The following CTTN variants were observed in gnomAD, a reference collection of about 807,000 sequenced individuals.
CTTN encodes the protein cortactin.
CTTN carries 28 observed loss-of-function variants against 84.0 expected under a neutral mutation model. The observed-to-expected ratio is 0.33, with a 90% CI of 0.25 to 0.46. The LOEUF is 0.46. Ranked by LOEUF, CTTN falls within the 20% of genes least tolerant of loss-of-function variation. The pLI is 1.00. For missense variants in CTTN, 641 were observed against 723.8 expected (o/e 0.89, Z 1.31); for synonymous variants, 301 against 288.8 (o/e 1.04, Z -0.43).
At chr11:70,400,848 C>CACGCACTGCTTTGAGTAA (rs1374124234) in intron 1 of CTTN, among the ~76,000 whole-genome samples, 1 of 152,204 alleles carries the variant, frequency 6.6e-6, no homozygotes, top group Non-Finnish European at 1.5e-5. Context: ...CCCATCTGCT[C>CACGCACTGCTTTGAGTAA]ACGCACTGCT....
At chr11:70,432,106 C>T (rs939155697) in intron 15 of CTTN, among the ~76,000 whole-genome samples, 1 of 152,228 alleles carries the variant, frequency 6.6e-6, no homozygotes, top group African/African-American at 2.4e-5. Context: ...GCCTCGATGG[C>T]CGTGGCCTTG....
chr11:70,424,159 C>T (rs999880712), intron 12 of CTTN, among the ~76,000 whole-genome samples: 14 of 151,996 alleles, frequency 9.2e-5, no homozygotes, highest in African/African-American at 2.9e-4. Context: ...AGTAGGCACG[C>T]GGTCAGAGGA....
In CTTN at chr11:70,407,370, G is replaced by A. The variant is rs1226969708; in HGVS notation, c.73G>A (p.Asp25Asn). ...CGCGGGGGCCGATGACTGGGAGACC[G>A]ACCCTGATTTTGTGGTAGGAGCCGC... Reference protein sequence around the residue: ...DDAGADDWETDPDFVNDVSEK... With the variant: ...DDAGADDWETNPDFVNDVSEK... The change falls in exon 3 of 18, where the codon GAC (aspartate) becomes AAC (asparagine). Residue 25 changes from aspartate (D) to asparagine (N), a missense_variant. Around this residue, in one of 3 missense-constraint regions of CTTN, gnomAD observed 284 missense variants for 348.4 expected, o/e 0.82. Coordinates refer to ENST00000301843, the MANE Select transcript of CTTN (RefSeq NM_005231.4). 6.3e-7 allele frequency: 1 copy of A among 1,592,640 alleles called. No individual in the cohort carries two copies.
chr11:70,417,136 C>T lies in CTTN; in HGVS notation c.568+13C>T. The T allele has an allele frequency of 1.2e-6, 2 of 1,603,908 alleles. No homozygotes were observed. The highest frequency in any genetic ancestry group is 1.7e-6 in the Non-Finnish European group (2 of 1,170,730). On this transcript the variant is annotated intron_variant, in intron 8 of 17. Coordinates refer to ENST00000301843, the MANE Select transcript of CTTN (RefSeq NM_005231.4). ...GAGTCACAGAGAGGTGGGGCGGACC[C>T]CACGGTCTGTAATCACGCGTTTGCT...
intron 14 of CTTN, among the ~76,000 whole-genome samples, chr11:70,430,844 C>A (rs577761608): frequency 6.5e-4 from 99 of 152,304 alleles, no homozygotes; most frequent in Middle Eastern, 3.4e-3. Context: ...GGCACTGTCG[C>A]GTCACTGGCT....
At chr11:70,400,877 T>C (rs1483463029) in intron 1 of CTTN, among the ~76,000 whole-genome samples, 4 of 152,134 alleles carry the variant, frequency 2.6e-5, no homozygotes, top group African/African-American at 9.7e-5. Flanking sequence ...ACGGAGTAAA[T>C]GTTGGGGGCG....
At chr11:70,410,223 G>A (rs546282577) in intron 5 of CTTN, 2 of 393,394 alleles carry the variant, frequency 5.1e-6, no homozygotes, top group South Asian at 7.2e-5. Context: ...GGCCCTCAGA[G>A]GCAGCCTTGT....
intron 11 of CTTN, chr11:70,422,628 A>C: frequency 1.5e-6 from 2 of 1,359,504 alleles, no homozygotes; most frequent in Non-Finnish European, 1.9e-6. Flanking sequence ...GGCGCGTTGC[A>C]AAGGCCTGTC....
chr11:70,414,733 TGTA>T, intron 6 of CTTN, 81 bp downstream of exon 6: 1 of 1,008,944 alleles, frequency 9.9e-7, no homozygotes, highest in African/African-American at 1.6e-5. Context: ...TTGGGCCACT[TGTA>T]GTAGCAGGCA....
intron 8 of CTTN, among the ~76,000 whole-genome samples, chr11:70,417,934 C>G (rs1684335872): frequency 1.3e-5 from 2 of 152,162 alleles, no homozygotes; most frequent in Admixed American, 6.5e-5. Context: ...CCAAGTTGTC[C>G]TTGGAGGCTG....
At chr11:70,415,341 A>G (rs1406426054) in intron 6 of CTTN, among the ~76,000 whole-genome samples, 1 of 152,196 alleles carries the variant, frequency 6.6e-6, no homozygotes, top group Non-Finnish European at 1.5e-5. Context: ...TGTTCTCAGC[A>G]TGACTTATTT....
chr11:70,433,231 C>G lies in CTTN; in HGVS notation c.1397C>G (p.Thr466Arg). The G allele has an allele frequency of 3.7e-6, 6 of 1,613,224 alleles. No homozygotes were observed. Among genetic ancestry groups the G allele is most frequent in the Non-Finnish European group, 5.1e-6 (6 of 1,179,954 alleles). The change falls in exon 16 of 18, where the codon ACA becomes AGA. Residue 466 changes from threonine (T) to arginine (R), a missense_variant. Coordinates refer to ENST00000301843, the MANE Select transcript of CTTN (RefSeq NM_005231.4). ...AGCCAGCAGGGCCTGGCCTATGCCA[C>G]AGAGGCTGTCTATGAAAGCGCAGAG... ...ASSQQGLAYA[T>R]EAVYESAEAP...
chr11:70,414,214 G>C (rs962102760), intron 5 of CTTN, among the ~76,000 whole-genome samples: 1 of 152,084 alleles, frequency 6.6e-6, no homozygotes, highest in Non-Finnish European at 1.5e-5. Context: ...GCATGGTGGC[G>C]GGTGCCTATA....
At chr11:70,404,309 C>G (rs550953348) in intron 1 of CTTN, among the ~76,000 whole-genome samples, 24 of 152,226 alleles carry the variant, frequency 1.6e-4, no homozygotes, top group African/African-American at 5.8e-4. Context: ...TTTCATTCGT[C>G]CATGTGTGTT....
intron 13 of CTTN, among the ~76,000 whole-genome samples, chr11:70,427,736 T>C: frequency 6.6e-6 from 1 of 152,264 alleles, no homozygotes; most frequent in East Asian, 1.9e-4. Flanking sequence ...TGAGTTGTGC[T>C]CGTCTTCCAG....
In CTTN at chr11:70,417,032, C is replaced by T. The variant is rs750640661; in HGVS notation, c.477C>T (p.Gly159=). 30 of 1,613,988 alleles carry T rather than the reference C, an allele frequency of 1.9e-5. No individual in the cohort carries two copies. Among genetic ancestry groups the T allele is most frequent in the East Asian group, 4.5e-5 (2 of 44,894 alleles). Reference sequence around the variant, plus strand: ...CTCCAGACTACTCCAGTGGTTTTGGCGGCAAGTATGGCGTGCAGGCCGACC... The same window carrying T: ...CTCCAGACTACTCCAGTGGTTTTGGTGGCAAGTATGGCGTGCAGGCCGACC... ...ASQKDYSSGF[G]GKYGVQADRV... The change falls in exon 8 of 18, where the codon GGC becomes GGT. Residue 159 remains glycine, a synonymous_variant. Transcript: ENST00000301843.
intron 11 of CTTN, chr11:70,422,670 G>A: frequency 7.1e-7 from 1 of 1,411,316 alleles, no homozygotes; most frequent in Non-Finnish European, 9.4e-7. Context: ...GCTCCTGCCT[G>A]CTGCCCGCCG....
At position 70,435,636 on chromosome 11, in the gene CTTN, G is replaced by C; in HGVS notation, c.*474G>C. On this transcript the variant is annotated 3_prime_UTR_variant, in exon 18 of 18. Transcript: ENST00000301843. ...AGAGTCTCACTGCTGGGGAGGAGAG[G>C]ACTGGGCCTGATGGAAGTTAACCCG... The C allele has an allele frequency of 6.3e-7, 1 of 1,594,810 alleles. No homozygotes were observed. The highest frequency in any genetic ancestry group is 8.5e-7 in the Non-Finnish European group (1 of 1,178,230).
At chr11:70,417,734 G>A (rs1457989328) in intron 8 of CTTN, among the ~76,000 whole-genome samples, 1 of 152,112 alleles carries the variant, frequency 6.6e-6, no homozygotes, top group African/African-American at 2.4e-5. Context: ...GACCTCAGGT[G>A]ATCGCCCTGC....
Sources: allele counts gnomAD v4.1 joint callset (sites outside exome capture counted in the v4.1 genomes callset), GRCh38; gene constraint gnomAD v4.1.1; regional missense constraint gnomAD v4.1.1; transcripts MANE v1.5; gene names NCBI Gene and HGNC (gene_info 2026-07-23, HGNC 2026-07-21).